PPARGC1A: variants seen among roughly 807,000 people sequenced by gnomAD.
PPARGC1A encodes the protein peroxisome proliferator-activated receptor gamma coactivator 1-alpha.
A neutral mutation model predicts 88.7 loss-of-function variants in PPARGC1A; 25 were observed. The observed-to-expected ratio is 0.28, with a 90% CI of 0.21 to 0.39. The LOEUF (loss-of-function observed/expected upper bound fraction) is 0.39, where lower values mean the gene tolerates loss of function less well. Ranked by LOEUF, PPARGC1A falls within the 10% of genes least tolerant of loss-of-function variation. PPARGC1A has a pLI of 1.00. For synonymous variants in PPARGC1A, 363 were observed against 355.6 expected (o/e 1.02, Z -0.24); for missense variants, 880 against 968.7 (o/e 0.91, Z 1.22).
chr4:23,884,385 A>G (rs1716506781), intron 2 of PPARGC1A: 1 of 283,676 alleles, frequency 3.5e-6, no homozygotes, highest in African/African-American at 2.2e-5. Flanking sequence ...TTATTAATTT[A>G]TATGAGGTAC....
chr4:23,833,653 G>A (rs1056826902), intron 2 of PPARGC1A, among the ~76,000 whole-genome samples: 3 of 152,122 alleles, frequency 2.0e-5, no homozygotes, highest in Non-Finnish European at 4.4e-5. Flanking sequence ...CCTTTATCAC[G>A]TATACATTCT....
chr4:24,358,584 A>T, the PPARGC1A span, among the ~76,000 whole-genome samples: 2 of 152,268 alleles, frequency 1.3e-5, no homozygotes, highest in Non-Finnish European at 2.9e-5. Context: ...TCCAAAATCC[A>T]AAACTAGCCT....
the PPARGC1A span, among the ~76,000 whole-genome samples, chr4:24,117,046 TA>T: frequency 9.5e-3 from 1,387 of 145,888 alleles, 19 homozygotes; most frequent in South Asian, 0.069. Context: ...GTGAAGTTGG[TA>T]AAAAAAAAAA....
At chr4:24,221,919 A>G in the PPARGC1A span, among the ~76,000 whole-genome samples, 1 of 152,198 alleles carries the variant, frequency 6.6e-6, no homozygotes, top group African/African-American at 2.4e-5. Flanking sequence ...GAGAATAAAA[A>G]TGTTCTAGAA....
At chr4:24,230,381 T>C in the PPARGC1A span, among the ~76,000 whole-genome samples, 1 of 152,188 alleles carries the variant, frequency 6.6e-6, no homozygotes, top group Non-Finnish European at 1.5e-5. Flanking sequence ...GACAAAGATC[T>C]GAGGCCGGGT....
At chr4:23,836,852 A>T (rs1223707691) in intron 2 of PPARGC1A, among the ~76,000 whole-genome samples, 1 of 152,208 alleles carries the variant, frequency 6.6e-6, no homozygotes, top group Non-Finnish European at 1.5e-5. Context: ...ACCCAACTGC[A>T]CACAGAGGGT....
At chr4:24,258,194 T>C in the PPARGC1A span, 1 of 975,832 alleles carries the variant, frequency 1.0e-6, no homozygotes, top group Non-Finnish European at 1.2e-6. Context: ...AATAATGTAT[T>C]ATACTTACAA....
At chr4:24,249,453 C>A in the PPARGC1A span, among the ~76,000 whole-genome samples, 3 of 152,196 alleles carry the variant, frequency 2.0e-5, no homozygotes, top group Non-Finnish European at 4.4e-5. Flanking sequence ...TCACAGCCAG[C>A]CCCTGCTGGA....
the PPARGC1A span, among the ~76,000 whole-genome samples, chr4:24,291,848 TAGAG>T: frequency 2.0e-5 from 3 of 152,122 alleles, no homozygotes; most frequent in East Asian, 1.9e-4. Context: ...GTGGAAGAGT[TAGAG>T]AGAGAATTCA....
chr4:24,337,074 A>G, the PPARGC1A span, among the ~76,000 whole-genome samples: 5 of 152,336 alleles, frequency 3.3e-5, no homozygotes, highest in African/African-American at 1.2e-4. Context: ...TTGCATTCCA[A>G]AAAGTTCGTG....
chr4:24,282,828 T>C, the PPARGC1A span, among the ~76,000 whole-genome samples: 2 of 152,228 alleles, frequency 1.3e-5, no homozygotes, highest in Admixed American at 6.5e-5. Flanking sequence ...TTTTCTTCCA[T>C]ACACACCTGT....
At chr4:23,888,974 T>C (rs1471303920) in intron 1 of PPARGC1A, 1 of 985,268 alleles carries the variant, frequency 1.0e-6, no homozygotes, top group Non-Finnish European at 1.2e-6. Flanking sequence ...GTTTCCCAAG[T>C]TGCCCAAACT....
At chr4:24,155,128 T>G in the PPARGC1A span, among the ~76,000 whole-genome samples, 1 of 151,930 alleles carries the variant, frequency 6.6e-6, no homozygotes, top group African/African-American at 2.4e-5. Context: ...TTTTGTTTTT[T>G]TTTTTTTATC....
chr4:24,449,385 C>T, the PPARGC1A span, among the ~76,000 whole-genome samples: 1 of 152,208 alleles, frequency 6.6e-6, no homozygotes, highest in Non-Finnish European at 1.5e-5. Context: ...TATAACACTT[C>T]CTGTTGCTGA....
chr4:24,194,066 T>A, the PPARGC1A span, among the ~76,000 whole-genome samples: 1 of 149,638 alleles, frequency 6.7e-6, no homozygotes, highest in Non-Finnish European at 1.5e-5. Context: ...GAGGTGGAGG[T>A]TGCAGTGAGC....
At chr4:23,809,624 A>C (rs1284450292) in intron 10 of PPARGC1A, among the ~76,000 whole-genome samples, 4 of 152,210 alleles carry the variant, frequency 2.6e-5, no homozygotes, top group African/African-American at 9.6e-5. Context: ...ATTCAATGTT[A>C]ATAATATATT....
the PPARGC1A span, among the ~76,000 whole-genome samples, chr4:24,313,769 AT>A: frequency 6.6e-6 from 1 of 152,364 alleles, no homozygotes; most frequent in South Asian, 2.1e-4. Flanking sequence ...TGTATGTCAA[AT>A]GAACCACCAA....
chr4:24,000,182 A>G, the PPARGC1A span, among the ~76,000 whole-genome samples: 1 of 152,080 alleles, frequency 6.6e-6, no homozygotes, highest in African/African-American at 2.4e-5. Flanking sequence ...CATTCAGGCC[A>G]ACGAAATTAC....
chr4:24,323,121 CG>C, the PPARGC1A span, among the ~76,000 whole-genome samples: 1 of 152,094 alleles, frequency 6.6e-6, no homozygotes, highest in South Asian at 2.1e-4. Context: ...GAAACCATGC[CG>C]GGCCTTAGAG....
Sources: gnomAD v4.1 joint callset for allele counts (sites outside exome capture counted in the v4.1 genomes callset) on GRCh38, gnomAD v4.1.1 for gene constraint, MANE v1.5 for transcripts, NCBI Gene and HGNC (gene_info 2026-07-23, HGNC 2026-07-21) for gene names.